The following NLGN4X variants were observed in gnomAD, a reference collection of about 807,000 sequenced individuals.
The protein encoded by NLGN4X is neuroligin-4, X-linked.
A neutral mutation model predicts 40.3 loss-of-function variants in NLGN4X; 3 were observed. The observed-to-expected ratio is 0.07, with a 90% CI of 0.03 to 0.19. The LOEUF (loss-of-function observed/expected upper bound fraction) is 0.19. Ranked by LOEUF, NLGN4X falls within the 10% of genes least tolerant of loss-of-function variation. NLGN4X has a pLI of 1.00. For synonymous variants in NLGN4X, 270 were observed against 306.8 expected (o/e 0.88, Z 1.25); for missense variants, 382 against 708.3 (o/e 0.54, Z 5.23).
intron 1 of NLGN4X, among the ~76,000 whole-genome samples, chrX:6,205,276 T>A (rs4826838): frequency 9.1e-6 from 1 of 110,394 alleles, no homozygotes; most frequent in African/African-American, 3.3e-5. Context: ...TATTGCTTGA[T>A]AAGTGTCTTT....
chrX:6,076,151 T>A (rs1049399296), intron 2 of NLGN4X, among the ~76,000 whole-genome samples: 2 of 112,267 alleles, frequency 1.8e-5, no homozygotes, highest in African/African-American at 6.5e-5. Context: ...AATTACAATA[T>A]GATATTTAGT....
chrX:6,133,556 A>C (rs2039734707), intron 2 of NLGN4X, among the ~76,000 whole-genome samples: 1 of 112,040 alleles, frequency 8.9e-6, no homozygotes, highest in Non-Finnish European at 1.9e-5. Context: ...TGGATTAAAA[A>C]TATTTCACGT....
At chrX:6,139,002 C>T (rs1319904376) in intron 2 of NLGN4X, among the ~76,000 whole-genome samples, 2 of 111,744 alleles carry the variant, frequency 1.8e-5, no homozygotes, top group Admixed American at 9.6e-5. Context: ...AATTTGTTAA[C>T]ATTTTAATAT....
chrX:5,909,576 T>G (rs1397198197), intron 3 of NLGN4X, among the ~76,000 whole-genome samples: 1 of 109,185 alleles, frequency 9.2e-6, no homozygotes, highest in African/African-American at 3.4e-5. Context: ...TCTGTGCACA[T>G]TTTCATTTTC....
chrX:5,917,138 G>A (rs774674905), intron 3 of NLGN4X, among the ~76,000 whole-genome samples: 4 of 112,430 alleles, frequency 3.6e-5, no homozygotes, highest in Non-Finnish European at 7.5e-5. Context: ...AGGGCTGCTG[G>A]GCGACCATAA....
chrX:6,017,759 A>C (rs1363233788), intron 3 of NLGN4X, among the ~76,000 whole-genome samples: 2 of 112,011 alleles, frequency 1.8e-5, no homozygotes, highest in African/African-American at 6.5e-5. Flanking sequence ...TGTAGCTCCC[A>C]GTCAGCCACA....
chrX:5,976,496 C>T (rs1042932512), intron 3 of NLGN4X, among the ~76,000 whole-genome samples: 10 of 112,384 alleles, frequency 8.9e-5, no homozygotes, highest in African/African-American at 3.2e-4. Context: ...CTCTCTCCCG[C>T]TGTGAAATCA....
At chrX:6,034,230 C>T (rs965720173) in intron 2 of NLGN4X, among the ~76,000 whole-genome samples, 18 of 112,214 alleles carry the variant, frequency 1.6e-4, no homozygotes, top group African/African-American at 5.5e-4. Context: ...TATAAATGAA[C>T]TCATATAATA....
chrX:6,003,506 T>C (rs1159662926), intron 3 of NLGN4X, among the ~76,000 whole-genome samples: 1 of 110,148 alleles, frequency 9.1e-6, no homozygotes, highest in African/African-American at 3.3e-5. Context: ...ATCTATAAAC[T>C]CATTCCATAA....
chrX:6,053,117 G>A (rs1452896136), intron 2 of NLGN4X, among the ~76,000 whole-genome samples: 1 of 111,787 alleles, frequency 8.9e-6, no homozygotes, highest in Admixed American at 9.5e-5. Flanking sequence ...TGAGGCTGAT[G>A]AGACAAAGAA....
At chrX:5,963,064 A>T (rs1185252034) in intron 3 of NLGN4X, among the ~76,000 whole-genome samples, 1 of 109,604 alleles carries the variant, frequency 9.1e-6, no homozygotes, top group East Asian at 2.9e-4. Context: ...GGAACTGGGT[A>T]ATAAGTAGAA....
intron 2 of NLGN4X, chrX:6,032,836 T>C: frequency 3.8e-6 from 2 of 524,480 alleles, no homozygotes; most frequent in Admixed American, 4.4e-5. Context: ...AAGAGAGAGA[T>C]GCTACCCAGA....
intron 3 of NLGN4X, among the ~76,000 whole-genome samples, chrX:5,933,884 C>T (rs1486346724): frequency 9.0e-6 from 1 of 110,677 alleles, no homozygotes; most frequent in Non-Finnish European, 1.9e-5. Context: ...AAATTTAAAC[C>T]CAAAAGATAT....
chrX:6,142,741 G>A (rs57946422), intron 2 of NLGN4X, among the ~76,000 whole-genome samples: 5 of 111,353 alleles, frequency 4.5e-5, no homozygotes, highest in African/African-American at 1.6e-4. Context: ...ACGGTTTAAG[G>A]AACTTTTCCA....
chrX:5,951,257 T>C (rs1182262160), intron 3 of NLGN4X, among the ~76,000 whole-genome samples: 1 of 112,016 alleles, frequency 8.9e-6, no homozygotes, highest in Non-Finnish European at 1.9e-5. Context: ...GGATCTAGTC[T>C]TCTGTCTTTT....
At position 5,944,671 on chromosome X, in the gene NLGN4X, A is replaced by G. The variant is rs917180619; in HGVS notation, c.626-35432T>C. 5.8e-4 allele frequency among the ~76,000 whole-genome samples: 62 copies of G among 106,719 alleles called. 1 individual carries two copies. The South Asian group carries it at 7.7e-3, about 13-fold the overall frequency. The allele number at this position is 106,719 out of a possible 115,157, so 92.7% of individuals were successfully genotyped here. A position where few individuals can be genotyped will look rare whatever the true frequency, so the allele number is the denominator to read the frequency against. On this transcript the variant is annotated intron_variant, in intron 3 of 5. Coordinates refer to ENST00000381095, the MANE Select transcript of NLGN4X (RefSeq NM_181332.3). The stretch of plus-strand genomic sequence containing the variant: ...GTCTCAAAAAAAAAAAAAAAAAAAA[A>G]AAGAAGAAGAAATTGAAATTAATGA...
At chrX:6,156,529 C>CA (rs1395331648) in intron 1 of NLGN4X, among the ~76,000 whole-genome samples, 22 of 109,529 alleles carry the variant, frequency 2.0e-4, no homozygotes, top group Admixed American at 3.9e-4. Context: ...AACAAACAAA[C>CA]AAAAAAAAAC....
At chrX:5,922,245 G>C (rs747894794) in intron 3 of NLGN4X, among the ~76,000 whole-genome samples, 4 of 110,960 alleles carry the variant, frequency 3.6e-5, no homozygotes, top group East Asian at 2.8e-4. Context: ...CGTGGGGAGG[G>C]GGGGAAACAG....
At chrX:5,996,956 G>A (rs2035836576) in intron 3 of NLGN4X, among the ~76,000 whole-genome samples, 1 of 111,136 alleles carries the variant, frequency 9.0e-6, no homozygotes, top group South Asian at 3.7e-4. Context: ...GCTAATTCTT[G>A]CGTAGATAAT....
Sources: gnomAD v4.1 joint callset for allele counts (sites outside exome capture counted in the v4.1 genomes callset) on GRCh38, gnomAD v4.1.1 for gene constraint, MANE v1.5 for transcripts, NCBI Gene and HGNC (gene_info 2026-07-23, HGNC 2026-07-21) for gene names.